Variants in KSR2 observed in about 807,000 individuals in gnomAD.
KSR2 encodes the protein kinase suppressor of ras 2.
KSR2 carries 25 observed loss-of-function variants against 107.8 expected under a neutral mutation model. That is an observed-to-expected ratio of 0.23 (90% CI 0.17 to 0.32). The LOEUF (loss-of-function observed/expected upper bound fraction) is 0.32, where lower values mean the gene tolerates loss of function less well. KSR2 is among the 10% of genes least tolerant of loss of function. KSR2 has a pLI of 1.00. For synonymous variants in KSR2, 480 were observed against 507.0 expected (o/e 0.95, Z 0.71); for missense variants, 887 against 1,268.9 (o/e 0.70, Z 4.57).
intron 14 of KSR2, 128 bp downstream of exon 14, chr12:117,524,724 A>G: frequency 8.8e-7 from 1 of 1,138,550 alleles, no homozygotes; most frequent in South Asian, 1.7e-5. Flanking sequence ...CCATGTAAGT[A>G]AACTGTGCAT....
chr12:117,946,634 T>C (rs186931342), intron 1 of KSR2, among the ~76,000 whole-genome samples: 64 of 152,278 alleles, frequency 4.2e-4, no homozygotes, highest in Non-Finnish European at 5.6e-4. Flanking sequence ...CCCAGTATTA[T>C]CCTGATTCTT....
chr12:117,787,030 A>G (rs1017405016), intron 3 of KSR2, among the ~76,000 whole-genome samples: 1 of 33,096 alleles, frequency 3.0e-5, no homozygotes, highest in Non-Finnish European at 4.6e-5. Context: ...ACTCCATCTC[A>G]AAAAAAAAAA....
chr12:117,469,238 C>T (rs1007533884), intron 19 of KSR2, among the ~76,000 whole-genome samples: 1 of 152,134 alleles, frequency 6.6e-6, no homozygotes, highest in Non-Finnish European at 1.5e-5. Context: ...ATAGAGAATG[C>T]TGGAAGCTGA....
At chr12:117,828,738 T>C (rs887435290) in intron 3 of KSR2, among the ~76,000 whole-genome samples, 1 of 152,170 alleles carries the variant, frequency 6.6e-6, no homozygotes, top group African/African-American at 2.4e-5. Flanking sequence ...GCATCCAGTA[T>C]CCATACCACC....
intron 16 of KSR2, among the ~76,000 whole-genome samples, chr12:117,476,960 T>G (rs966345870): frequency 6.7e-6 from 1 of 148,280 alleles, no homozygotes. Flanking sequence ...TATGTACACA[T>G]GCACACACCC....
chr12:117,959,469 C>T (rs1896601521), intron 1 of KSR2, among the ~76,000 whole-genome samples: 1 of 152,192 alleles, frequency 6.6e-6, no homozygotes, highest in African/African-American at 2.4e-5. Context: ...CACCCCACAA[C>T]AATCATACCA....
intron 1 of KSR2, among the ~76,000 whole-genome samples, chr12:117,866,038 C>CTTTATTTA (rs538018917): frequency 3.8e-4 from 47 of 124,226 alleles, no homozygotes; most frequent in African/African-American, 1.3e-3. Context: ...TAATCTCTCT[C>CTTTATTTA]TTTTTTTTTT....
At chr12:117,865,433 G>C (rs944739996) in intron 1 of KSR2, among the ~76,000 whole-genome samples, 1 of 152,106 alleles carries the variant, frequency 6.6e-6, no homozygotes, top group Non-Finnish European at 1.5e-5. Flanking sequence ...CTATATCTAT[G>C]TATGCCTATG....
At chr12:117,908,530 A>G (rs895613464) in intron 1 of KSR2, among the ~76,000 whole-genome samples, 3 of 152,226 alleles carry the variant, frequency 2.0e-5, no homozygotes, top group Non-Finnish European at 4.4e-5. Flanking sequence ...TCTCTGTGAC[A>G]CAAATATGCA....
intron 10 of KSR2, among the ~76,000 whole-genome samples, chr12:117,531,913 T>C (rs1009053700): frequency 2.0e-5 from 3 of 152,178 alleles, no homozygotes; most frequent in Admixed American, 6.6e-5. Context: ...CCCTCCCATC[T>C]GACATCTCAC....
chr12:117,818,495 A>G (rs1891453416), intron 3 of KSR2, among the ~76,000 whole-genome samples: 1 of 152,232 alleles, frequency 6.6e-6, no homozygotes, highest in African/African-American at 2.4e-5. Flanking sequence ...AACGACTCAC[A>G]GCACAGCCTA....
intron 5 of KSR2, among the ~76,000 whole-genome samples, chr12:117,629,499 T>A (rs920904177): frequency 3.3e-5 from 5 of 152,124 alleles, no homozygotes; most frequent in African/African-American, 9.7e-5. Context: ...GAACACAAAA[T>A]CTATGCTGAC....
intron 5 of KSR2, among the ~76,000 whole-genome samples, chr12:117,638,188 T>C (rs986422954): frequency 7.2e-5 from 11 of 152,242 alleles, no homozygotes; most frequent in Admixed American, 6.5e-4. Flanking sequence ...TTTTGTTATA[T>C]ATTATGCTGC....
At chr12:117,551,903 C>A (rs1406978203) in intron 9 of KSR2, among the ~76,000 whole-genome samples, 2 of 152,252 alleles carry the variant, frequency 1.3e-5, no homozygotes, top group East Asian at 3.9e-4. Flanking sequence ...TCTATCTGAC[C>A]TATGTTTCAG....
intron 5 of KSR2, among the ~76,000 whole-genome samples, chr12:117,625,132 A>G (rs1185347374): frequency 6.6e-6 from 1 of 152,168 alleles, no homozygotes. Context: ...CTAATATACA[A>G]TCATGTCATC....
intron 7 of KSR2, among the ~76,000 whole-genome samples, chr12:117,571,959 C>A (rs1455751268): frequency 6.6e-6 from 1 of 152,072 alleles, no homozygotes; most frequent in Admixed American, 6.5e-5. Context: ...TGGCTGGGCA[C>A]TGAGCAACGC....
At chr12:117,951,186 G>A (rs1163035446) in intron 1 of KSR2, among the ~76,000 whole-genome samples, 1 of 152,130 alleles carries the variant, frequency 6.6e-6, no homozygotes, top group Non-Finnish European at 1.5e-5. Flanking sequence ...GGGATTACAG[G>A]TGTGAGCCAC....
At chr12:117,666,927 T>C (rs1044529056) in intron 5 of KSR2, among the ~76,000 whole-genome samples, 2 of 152,068 alleles carry the variant, frequency 1.3e-5, no homozygotes, top group Non-Finnish European at 2.9e-5. Context: ...AACCACCCTG[T>C]CTCCAGCAGA....
At chr12:117,643,308 A>T (rs1364794582) in intron 5 of KSR2, among the ~76,000 whole-genome samples, 1 of 152,128 alleles carries the variant, frequency 6.6e-6, no homozygotes, top group East Asian at 1.9e-4. Flanking sequence ...TTAGCCGGGC[A>T]TGGTGGCGGG....
Sources: gnomAD v4.1 joint callset for allele counts (sites outside exome capture counted in the v4.1 genomes callset) on GRCh38, gnomAD v4.1.1 for gene constraint, MANE v1.5 for transcripts, NCBI Gene and HGNC (gene_info 2026-07-23, HGNC 2026-07-21) for gene names.